The following MYH9 variants were observed in gnomAD, a reference collection of about 807,000 sequenced individuals.
MYH9 encodes myosin heavy chain 9.
Under a neutral mutation model 241.9 loss-of-function variants are expected in MYH9, and 29 were observed. The ratio of observed to expected loss-of-function variants is 0.12; its 90% confidence interval spans 0.09 to 0.16. The LOEUF is 0.16. MYH9 is among the 10% of genes least tolerant of loss of function. MYH9 has a pLI of 1.00. For missense variants in MYH9, 1,803 were observed against 2,595.5 expected (o/e 0.69, Z 6.63); for synonymous variants, 1,047 against 1,062.6 (o/e 0.99, Z 0.29).
At chr22:36,377,113 A>G (rs2018181190) in intron 1 of MYH9, among the ~76,000 whole-genome samples, 1 of 152,042 alleles carries the variant, frequency 6.6e-6, no homozygotes, top group African/African-American at 2.4e-5. Flanking sequence ...CATTTGTGCA[A>G]TAAGGACTAG....
intron 34 of MYH9, among the ~76,000 whole-genome samples, chr22:36,287,441 T>G (rs528258872): frequency 6.6e-6 from 1 of 152,132 alleles, no homozygotes; most frequent in Admixed American, 6.5e-5. Flanking sequence ...GTTTTTTTTT[T>G]ACACTTAACA....
chr22:36,302,723 C>T, intron 19 of MYH9, 47 bp from the exon 20 acceptor site: 1 of 1,526,498 alleles, frequency 6.6e-7, no homozygotes, highest in East Asian at 2.3e-5. Context: ...GACAGCAGAC[C>T]CGACCTAACA....
rs749533216 is a variant in MYH9, at chr22:36,348,974, T to A, written c.263A>T (p.Glu88Val). Residue 88 changes from glutamate to valine, a missense_variant, in exon 2 of 41, where the codon GAG becomes GTG. Coordinates refer to ENST00000216181, the MANE Select transcript of MYH9 (RefSeq NM_002473.6). The stretch of plus-strand genomic sequence containing the variant: ...CGAGGCTTCGTTGAGGCACGTGAGC[T>A]CTGCCATGTCCTCCACCTTGGAGAA... ...PKFSKVEDMA[E>V]LTCLNEASVL... 6.2e-7 allele frequency: 1 copy of A among 1,614,248 alleles called. No individual in the cohort carries two copies. The highest frequency in any genetic ancestry group is 8.5e-7 in the Non-Finnish European group (1 of 1,180,056).
intron 14 of MYH9, among the ~76,000 whole-genome samples, chr22:36,311,156 G>T (rs1028337951): frequency 2.6e-5 from 4 of 152,200 alleles, no homozygotes; most frequent in African/African-American, 9.6e-5. Flanking sequence ...TAACTGTTAG[G>T]GTCTTTGTGC....
At chr22:36,332,950 A>G (rs1297099313) in intron 3 of MYH9, among the ~76,000 whole-genome samples, 1 of 152,308 alleles carries the variant, frequency 6.6e-6, no homozygotes, top group South Asian at 2.1e-4. Flanking sequence ...GACCACCCAC[A>G]GCACATGCCA....
intron 1 of MYH9, among the ~76,000 whole-genome samples, chr22:36,377,824 T>C (rs2146423619): frequency 6.6e-6 from 1 of 152,048 alleles, no homozygotes; most frequent in South Asian, 2.1e-4. Context: ...GGCAGAAGAA[T>C]GGCGTGAACC....
chr22:36,293,548 C>A lies in MYH9; in HGVS notation c.3943-67G>T. 1 of 1,594,870 alleles carries A rather than the reference C, an allele frequency of 6.3e-7. No individual in the cohort carries two copies. Among genetic ancestry groups the A allele is most frequent in the Non-Finnish European group, 8.5e-7 (1 of 1,170,448 alleles). On this transcript the variant is annotated intron_variant, in intron 29 of 40. Transcript: ENST00000216181. The surrounding 1 kb of genome is among the most constrained non-coding windows in gnomAD (Gnocchi z 5.1). ...GTGTCCAAAACCCAGGAACCCCACACCCTTGAGGAGAGGGAGGAGCTGGTC... is the reference window on the plus strand; with the variant it reads ...GTGTCCAAAACCCAGGAACCCCACAACCTTGAGGAGAGGGAGGAGCTGGTC...
At chr22:36,321,943 A>G (rs2017259993) in intron 6 of MYH9, 122 bp from the exon 7 acceptor site, 9 of 901,350 alleles carry the variant, frequency 1.0e-5, no homozygotes, top group Non-Finnish European at 1.5e-5. Context: ...GAGAAAACCC[A>G]GAGACGGGAC....
chr22:36,310,127 G>A (rs1440111809), intron 14 of MYH9, among the ~76,000 whole-genome samples: 1 of 152,152 alleles, frequency 6.6e-6, no homozygotes, highest in Non-Finnish European at 1.5e-5. Context: ...GCACGTGCCT[G>A]TAATCCCAGC....
At chr22:36,327,058 T>G (rs560899024) in intron 4 of MYH9, among the ~76,000 whole-genome samples, 1 of 152,340 alleles carries the variant, frequency 6.6e-6, no homozygotes, top group African/African-American at 2.4e-5. Flanking sequence ...ATGGATCTCC[T>G]TGTTAAGTTC....
intron 1 of MYH9, among the ~76,000 whole-genome samples, chr22:36,376,311 G>A (rs2018166615): frequency 6.6e-6 from 1 of 152,074 alleles, no homozygotes; most frequent in Non-Finnish European, 1.5e-5. Flanking sequence ...GGGACCCAGA[G>A]AGCAGCTCTT....
rs375983759 is a variant in MYH9, at chr22:36,285,610, G to A, written c.5274+48C>T. ...GGCTGGGTCCAAGGCCAGCTCTGCC[G>A]TGGTGGCTCCAGCCAGAGCCCAGAG... On this transcript the variant is annotated intron_variant, in intron 37 of 40. Transcript: ENST00000216181. This position sits in a 1 kb window ranked among gnomAD's most constrained non-coding sequence, Gnocchi z 7.0. 127 of 1,609,770 alleles carry A rather than the reference G, an allele frequency of 7.9e-5. No homozygotes were observed. The highest frequency in any genetic ancestry group is 6.5e-4 in the African/African-American group (49 of 74,984).
At chr22:36,374,667 C>CA (rs1225900890) in intron 1 of MYH9, among the ~76,000 whole-genome samples, 1 of 152,242 alleles carries the variant, frequency 6.6e-6, no homozygotes, top group Admixed American at 6.5e-5. Flanking sequence ...TCCCAGCATC[C>CA]ACCCCCAAGG....
intron 34 of MYH9, 97 bp from the exon 35 acceptor site, chr22:36,286,943 C>T: frequency 1.3e-6 from 2 of 1,559,938 alleles, no homozygotes; most frequent in Non-Finnish European, 1.7e-6. Context: ...ATGGCTGGTG[C>T]TCCACTCAAT....
chr22:36,367,869 C>T (rs2018034308), intron 1 of MYH9, among the ~76,000 whole-genome samples: 1 of 152,250 alleles, frequency 6.6e-6, no homozygotes, highest in Admixed American at 6.5e-5. Context: ...CCTCCCCTCC[C>T]CAGTCCAAGA....
Position 36,289,269 on chromosome 22 carries a change from G to C in MYH9, c.4373C>G (p.Ala1458Gly). The change falls in exon 32 of 41, where the codon GCC becomes GGC. Residue 1458 changes from alanine (A) to glycine (G), a missense_variant. Physicochemically the swap from Ala to Gly is moderately conservative, Grantham distance 60 (BLOSUM62 0). Transcript: ENST00000216181. ...CCGGTCGCGCTCCTCTGCATACTTG[G>C]CAGAGATGGTCTTCTCCTCCGCCAG... ...QLLAEEKTISAKYAEERDRAE... is the reference protein window; with the variant it reads ...QLLAEEKTISGKYAEERDRAE... 1 of 1,612,336 alleles carries C rather than the reference G, an allele frequency of 6.2e-7. No homozygotes were observed. Among genetic ancestry groups the C allele is most frequent in the Non-Finnish European group, 8.5e-7 (1 of 1,179,858 alleles).
rs757648148 is a variant in MYH9, at chr22:36,285,613, G to A, written c.5274+45C>T. ...TGGGTCCAAGGCCAGCTCTGCCGTGGTGGCTCCAGCCAGAGCCCAGAGTGG... is the reference window on the plus strand; with the variant it reads ...TGGGTCCAAGGCCAGCTCTGCCGTGATGGCTCCAGCCAGAGCCCAGAGTGG... On this transcript the variant is annotated intron_variant, in intron 37 of 40. Transcript: ENST00000216181. The surrounding 1 kb of genome is among the most constrained non-coding windows in gnomAD (Gnocchi z 7.0). 3 of 1,610,066 alleles carry A rather than the reference G, an allele frequency of 1.9e-6. No individual in the cohort carries two copies. The highest frequency in any genetic ancestry group is 2.2e-5 in the East Asian group (1 of 44,870).
chr22:36,312,438 G>T (rs5750250), intron 13 of MYH9, among the ~76,000 whole-genome samples: 3 of 152,028 alleles, frequency 2.0e-5, no homozygotes, highest in African/African-American at 7.3e-5. Flanking sequence ...AGGATCCATC[G>T]CGGTGGTTCT....
At chr22:36,308,668 G>A (rs750184008) in intron 15 of MYH9, 2 of 299,130 alleles carry the variant, frequency 6.7e-6, no homozygotes, top group Non-Finnish European at 9.9e-6. Flanking sequence ...GAAGCCCAGG[G>A]GCAGATCAGG....
Sources: gnomAD v4.1 joint callset for allele counts (sites outside exome capture counted in the v4.1 genomes callset) on GRCh38, gnomAD v4.1.1 for gene constraint, Gnocchi (gnomAD v3.1) non-coding constraint, MANE v1.5 for transcripts, NCBI Gene and HGNC (gene_info 2026-07-23, HGNC 2026-07-21) for gene names.